SCYL2: variants seen among roughly 807,000 people sequenced by gnomAD.
SCYL2 encodes the protein SCY1 like pseudokinase 2.
A neutral mutation model predicts 100.4 loss-of-function variants in SCYL2; 36 were observed. That is an observed-to-expected ratio of 0.36 (90% confidence interval 0.27 to 0.47). The LOEUF (loss-of-function observed/expected upper bound fraction) is 0.47, where lower values mean the gene tolerates loss of function less well. SCYL2 is among the 20% of genes least tolerant of loss of function. The pLI, the probability that SCYL2 is intolerant of heterozygous loss-of-function variation, is 1.00. For missense variants in SCYL2, 902 were observed against 1,083.9 expected, an observed-to-expected ratio of 0.83 and a Z score of 2.36; for synonymous variants, 330 against 359.2, an observed-to-expected ratio of 0.92 and a Z score of 0.92.
In SCYL2 at chr12:100,267,570, A is replaced by G. The variant is rs1023704565; in HGVS notation, c.-251A>G. The G allele has an allele frequency of 2.0e-5, 3 of 152,484 alleles. No homozygotes were observed. The highest frequency in any genetic ancestry group is 2.4e-5 in the African/African-American group (1 of 41,392). 9.4% of individuals were successfully genotyped at this position (152,484 alleles called of 1,614,324 possible). ...GGGCCTGCCGGCGGCCGGCCGGGCGATCGGCGGTCGGCGCCCGCGCAAAGC... is the reference window on the plus strand; with the variant it reads ...GGGCCTGCCGGCGGCCGGCCGGGCGGTCGGCGGTCGGCGCCCGCGCAAAGC... On this transcript the variant is annotated 5_prime_UTR_variant, in exon 1 of 18. Coordinates refer to ENST00000360820, the MANE Select transcript of SCYL2 (RefSeq NM_017988.6).
At chr12:100,330,003 T>G (rs1341276474) in intron 13 of SCYL2, among the ~76,000 whole-genome samples, 1 of 152,152 alleles carries the variant, frequency 6.6e-6, no homozygotes, top group African/African-American at 2.4e-5. Flanking sequence ...TCCCTTGTAA[T>G]CAAGGAAGTG....
intron 10 of SCYL2, among the ~76,000 whole-genome samples, chr12:100,322,670 C>T (rs1451007737): frequency 6.6e-6 from 1 of 151,796 alleles, no homozygotes; most frequent in East Asian, 1.9e-4. Flanking sequence ...ACCAGCCTGG[C>T]CAGTATGGTG....
At chr12:100,312,350 A>C in intron 5 of SCYL2, 82 bp from the exon 6 acceptor site, 2 of 1,051,044 alleles carry the variant, frequency 1.9e-6, no homozygotes, top group South Asian at 2.8e-5. Context: ...GACCGAGTAG[A>C]AATTTAAAGA....
At chr12:100,329,388 A>G in intron 13 of SCYL2, 69 bp downstream of exon 13, 1 of 717,626 alleles carries the variant, frequency 1.4e-6, no homozygotes, top group Non-Finnish European at 2.5e-6. Flanking sequence ...ATATATAAAT[A>G]TATTACAAAG....
chr12:100,297,932 T>C (rs2096322841), intron 3 of SCYL2, 99 bp from the exon 4 acceptor site: 2 of 944,300 alleles, frequency 2.1e-6, no homozygotes, highest in South Asian at 3.2e-5. Flanking sequence ...AGTTACCTTC[T>C]TATTGATAGT....
At chr12:100,296,086 T>A (rs929316501) in intron 3 of SCYL2, among the ~76,000 whole-genome samples, 2 of 152,226 alleles carry the variant, frequency 1.3e-5, no homozygotes, top group African/African-American at 4.8e-5. Flanking sequence ...CTTTTCTGTG[T>A]CCCTGCAGCT....
intron 4 of SCYL2, among the ~76,000 whole-genome samples, chr12:100,299,743 A>G (rs2096325348): frequency 6.6e-6 from 1 of 151,840 alleles, no homozygotes; most frequent in African/African-American, 2.4e-5. Context: ...TGAATATACC[A>G]CAGCTAGTCC....
In SCYL2 at chr12:100,311,190, A is replaced by T; in HGVS notation, c.627A>T (p.Gln209His). 1 of 1,586,952 alleles carries T rather than the reference A, an allele frequency of 6.3e-7. No homozygotes were observed. Among genetic ancestry groups the T allele is most frequent in the Non-Finnish European group, 8.5e-7 (1 of 1,172,294 alleles). Residue 209 changes from glutamine to histidine, a missense_variant, in exon 5 of 18, where the codon CAA becomes CAT. Transcript: ENST00000360820. ...TATCATCAACCAATCCTTCTGAACAAGAGGTAATGAAAGTTTTAGTCTTCT... is the reference window on the plus strand; with the variant it reads ...TATCATCAACCAATCCTTCTGAACATGAGGTAATGAAAGTTTTAGTCTTCT... ...FCVSSTNPSE[Q>H]EPKFPCKEWD...
intron 12 of SCYL2, among the ~76,000 whole-genome samples, chr12:100,327,851 C>G (rs143066045): frequency 0.016 from 2,442 of 152,114 alleles, 66 homozygotes; most frequent in African/African-American, 0.056. Flanking sequence ...TTCTTAACAC[C>G]TAATGTAGTG....
At position 100,338,515 on chromosome 12, in the gene SCYL2, T is replaced by G. The variant is rs1282601928; in HGVS notation, c.2146-13T>G. On this transcript the variant is annotated splice_polypyrimidine_tract_variant and intron_variant, in intron 17 of 17. Coordinates refer to ENST00000360820, the MANE Select transcript of SCYL2 (RefSeq NM_017988.6). ...ATTTCTTAGAGATAAAGTAATTCTCTCATATTTTTCAGACTAAGGACTTGA... is the reference window on the plus strand; with the variant it reads ...ATTTCTTAGAGATAAAGTAATTCTCGCATATTTTTCAGACTAAGGACTTGA... 1 of 1,547,982 alleles carries G rather than the reference T, an allele frequency of 6.5e-7. No individual in the cohort carries two copies. The highest frequency in any genetic ancestry group is 8.7e-7 in the Non-Finnish European group (1 of 1,145,092).
chr12:100,297,917 A>C (rs2096322811), intron 3 of SCYL2, 114 bp from the exon 4 acceptor site: 1 of 868,202 alleles, frequency 1.2e-6, no homozygotes, highest in African/African-American at 1.8e-5. Flanking sequence ...TAACAAATGT[A>C]AAATAGTTAC....
intron 10 of SCYL2, among the ~76,000 whole-genome samples, chr12:100,319,978 T>C (rs1021622552): frequency 1.3e-5 from 2 of 152,220 alleles, no homozygotes; most frequent in African/African-American, 2.4e-5. Context: ...CAGATGGTTC[T>C]GAAAACATTT....
intron 13 of SCYL2, among the ~76,000 whole-genome samples, chr12:100,331,151 T>C (rs536788005): frequency 5.7e-4 from 86 of 152,200 alleles, no homozygotes; most frequent in Non-Finnish European, 8.7e-4. Context: ...TTTGGTTTGG[T>C]AATTTCTTCA....
intron 4 of SCYL2, among the ~76,000 whole-genome samples, chr12:100,306,827 A>G (rs1183115571): frequency 6.6e-6 from 1 of 152,244 alleles, no homozygotes; most frequent in Non-Finnish European, 1.5e-5. Context: ...ATAAAAAATA[A>G]CAAGCATTCC....
intron 4 of SCYL2, among the ~76,000 whole-genome samples, chr12:100,308,582 C>T (rs2096337716): frequency 6.6e-6 from 1 of 151,938 alleles, no homozygotes. Flanking sequence ...CACGTGTATA[C>T]CTATGTAAAA....
Position 100,312,636 on chromosome 12 carries a change from A to G in SCYL2, c.835A>G (p.Ser279Gly). Residue 279 changes from serine to glycine, a missense_variant, in exon 6 of 18, where the codon AGT becomes GGT. Coordinates refer to ENST00000360820, the MANE Select transcript of SCYL2 (RefSeq NM_017988.6). ...CAAGCAAGATATTTACAAGAGTTTC[A>G]GTAGGCAGTTGGATCAGGTATTTGC... ...VNKQDIYKSFSRQLDQLSRLG... is the reference protein window; with the variant it reads ...VNKQDIYKSFGRQLDQLSRLG... 6 of 1,611,366 alleles carry G rather than the reference A, an allele frequency of 3.7e-6. No individual in the cohort carries two copies. The highest frequency in any genetic ancestry group is 4.2e-6 in the Non-Finnish European group (5 of 1,178,382).
intron 3 of SCYL2, 150 bp downstream of exon 3, chr12:100,291,810 T>A (rs1383202887): frequency 3.0e-6 from 2 of 675,806 alleles, no homozygotes; most frequent in Non-Finnish European, 4.8e-6. Flanking sequence ...CCCTAAAATT[T>A]ATTTGCATTG....
At chr12:100,311,654 G>T (rs1160213343) in intron 5 of SCYL2, among the ~76,000 whole-genome samples, 2 of 152,108 alleles carry the variant, frequency 1.3e-5, no homozygotes, top group African/African-American at 4.8e-5. Flanking sequence ...AGTTAAGTAG[G>T]CTCAGAGAAT....
intron 1 of SCYL2, among the ~76,000 whole-genome samples, chr12:100,270,742 T>G (rs557694186): frequency 6.2e-4 from 94 of 152,108 alleles, no homozygotes; most frequent in African/African-American, 2.0e-3. Flanking sequence ...CCCAAAGTGC[T>G]AGGATTACAG....
Sources: gnomAD v4.1 joint callset for allele counts (sites outside exome capture counted in the v4.1 genomes callset) on GRCh38, gnomAD v4.1.1 for gene constraint, MANE v1.5 for transcripts, NCBI Gene and HGNC (gene_info 2026-07-23, HGNC 2026-07-21) for gene names.